ADGRL3: variants seen among roughly 807,000 people sequenced by gnomAD.
ADGRL3 encodes the protein calcium-independent alpha-latrotoxin receptor 3.
Under a neutral mutation model 153.5 loss-of-function variants are expected in ADGRL3, and 62 were observed. The observed-to-expected ratio is 0.40, with a 90% confidence interval of 0.33 to 0.50. The LOEUF is 0.50. ADGRL3 is among the 20% of genes least tolerant of loss of function. The probability of loss-of-function intolerance (pLI) is 0.47; values close to 1 mark genes in which losing one functional copy is unlikely to be tolerated. For missense variants in ADGRL3, 1,641 were observed against 1,859.4 expected, an observed-to-expected ratio of 0.88 and a Z score of 2.16; for synonymous variants, 710 against 672.5, an observed-to-expected ratio of 1.06 and a Z score of -0.86.
chr4:61,263,058 G>A (rs2092636637), intron 1 of ADGRL3, among the ~76,000 whole-genome samples: 1 of 151,960 alleles, frequency 6.6e-6, no homozygotes, highest in Admixed American at 6.6e-5. Flanking sequence ...TGTGATTTCT[G>A]AAAATTGTTG....
chr4:61,912,112 A>G (rs990703287), intron 12 of ADGRL3, among the ~76,000 whole-genome samples: 12 of 152,212 alleles, frequency 7.9e-5, no homozygotes, highest in Non-Finnish European at 1.3e-4. Context: ...TTCAAGAAAT[A>G]AAAGCAGTGA....
chr4:61,473,033 TGG>T (rs2097984267), intron 2 of ADGRL3, among the ~76,000 whole-genome samples: 1 of 152,126 alleles, frequency 6.6e-6, no homozygotes, highest in Non-Finnish European at 1.5e-5. Flanking sequence ...AAGAGGACAT[TGG>T]ATTTGACAAT....
intron 4 of ADGRL3, among the ~76,000 whole-genome samples, chr4:61,518,799 C>A (rs1165073950): frequency 6.6e-6 from 1 of 152,156 alleles, no homozygotes. Context: ...CCAGTGTGTT[C>A]TCAAAATTCA....
At chr4:61,223,358 G>A (rs561649110) in intron 1 of ADGRL3, among the ~76,000 whole-genome samples, 1 of 152,320 alleles carries the variant, frequency 6.6e-6, no homozygotes, top group East Asian at 1.9e-4. Context: ...TGGGCTCTCT[G>A]CAGTTACGGA....
chr4:61,792,558 C>T lies in ADGRL3; in HGVS notation c.1400-21251C>T, dbSNP rs1252027944. 4.6e-5 allele frequency among the ~76,000 whole-genome samples: 7 copies of T among 151,376 alleles called. No individual in the cohort carries two copies. The East Asian group carries it at 5.9e-4, about 13-fold the overall frequency. Reference sequence around the variant, plus strand: ...AGGCTAGAGTGCAGTGGCATGATCTCGGCTCACTGCAACCTCTGCCTCCCT... The same window carrying T: ...AGGCTAGAGTGCAGTGGCATGATCTTGGCTCACTGCAACCTCTGCCTCCCT... On this transcript the variant is annotated intron_variant, in intron 8 of 26. Transcript: ENST00000683033.
intron 6 of ADGRL3, among the ~76,000 whole-genome samples, chr4:61,724,412 A>C (rs1437405768): frequency 6.6e-6 from 1 of 152,208 alleles, no homozygotes; most frequent in Admixed American, 6.5e-5. Flanking sequence ...ATAAAAGGCC[A>C]TCCCAGTTTC....
chr4:61,521,638 C>T lies in ADGRL3; in HGVS notation c.259+4120C>T, dbSNP rs76649935. On this transcript the variant is annotated intron_variant, in intron 4 of 26. Coordinates refer to ENST00000683033, the MANE Select transcript of ADGRL3 (RefSeq NM_001387552.1). ...TGAGTGATAGTAGTGATGATGATGG[C>T]CAAATAACAGGACTTAGATATTCAT... Among the ~76,000 whole-genome samples, 390 of 152,044 alleles carry T rather than the reference C, an allele frequency of 2.6e-3. 2 individuals carry two copies. The highest frequency in any genetic ancestry group is 8.9e-3 in the African/African-American group (370 of 41,466).
intron 25 of ADGRL3, chr4:62,063,766 A>T: frequency 2.2e-6 from 1 of 463,398 alleles, no homozygotes; most frequent in Non-Finnish European, 3.8e-6. Context: ...TTCGCATTCC[A>T]CCCCTCTTGG....
At chr4:61,821,113 T>A (rs940958567) in intron 9 of ADGRL3, among the ~76,000 whole-genome samples, 12 of 149,472 alleles carry the variant, frequency 8.0e-5, no homozygotes, top group Non-Finnish European at 1.3e-4. Flanking sequence ...GCCTTAGCAG[T>A]CCATTATAGA....
intron 1 of ADGRL3, among the ~76,000 whole-genome samples, chr4:61,348,915 T>C (rs1230459306): frequency 6.6e-6 from 1 of 152,022 alleles, no homozygotes; most frequent in Admixed American, 6.6e-5. Context: ...TAATACAGTG[T>C]AAGTAAAGAA....
At chr4:62,049,412 C>A (rs1376791352) in intron 25 of ADGRL3, among the ~76,000 whole-genome samples, 4 of 152,144 alleles carry the variant, frequency 2.6e-5, no homozygotes, top group African/African-American at 9.7e-5. Context: ...GCATAGAGAT[C>A]TGACTAGTAA....
At chr4:61,864,110 A>G (rs2098377462) in intron 9 of ADGRL3, among the ~76,000 whole-genome samples, 2 of 152,224 alleles carry the variant, frequency 1.3e-5, no homozygotes, top group South Asian at 4.1e-4. Context: ...CAATGCTGCT[A>G]TAGGAACAAA....
chr4:61,432,645 TCTTTC>T (rs2097382753), intron 2 of ADGRL3, among the ~76,000 whole-genome samples: 1 of 80,732 alleles, frequency 1.2e-5, no homozygotes, highest in African/African-American at 5.2e-5. Context: ...TTTCTTTCTT[TCTTTC>T]TTTCTTTTTT....
rs150555181 is a variant in ADGRL3 at position 61,767,223 on chromosome 4, G to A, written c.1399+33669G>A. On this transcript the variant is annotated intron_variant, in intron 8 of 26. Coordinates refer to ENST00000683033, the MANE Select transcript of ADGRL3 (RefSeq NM_001387552.1). ...AGAGCAGCAATGAGATATAGCTGTAGTCCAGGAATAGTCAGGGAAGCAGAT... is the reference window on the plus strand; with the variant it reads ...AGAGCAGCAATGAGATATAGCTGTAATCCAGGAATAGTCAGGGAAGCAGAT... Among the ~76,000 whole-genome samples, 938 of 152,090 alleles carry A rather than the reference G, an allele frequency of 6.2e-3. 23 individuals carry two copies. The highest frequency in any genetic ancestry group is 0.037 in the Admixed American group (564 of 15,282).
intron 9 of ADGRL3, among the ~76,000 whole-genome samples, chr4:61,866,406 G>C (rs771815318): frequency 1.3e-5 from 2 of 152,174 alleles, no homozygotes; most frequent in African/African-American, 2.4e-5. Flanking sequence ...CTGCTCATTG[G>C]AGTGTGTTCT....
At chr4:61,650,463 A>C (rs1419002294) in intron 5 of ADGRL3, among the ~76,000 whole-genome samples, 1 of 152,144 alleles carries the variant, frequency 6.6e-6, no homozygotes, top group African/African-American at 2.4e-5. Context: ...ATCTTGGCTG[A>C]GGTTTCTCCA....
At chr4:61,253,941 A>T (rs1181108042) in intron 1 of ADGRL3, among the ~76,000 whole-genome samples, 2 of 152,146 alleles carry the variant, frequency 1.3e-5, no homozygotes, top group African/African-American at 2.4e-5. Flanking sequence ...GTGAACCACG[A>T]TTATTTTTTC....
Position 61,588,696 on chromosome 4 carries a change from A to G in ADGRL3, c.473+1256A>G, listed in dbSNP as rs570641215. ...CATCTTGTTGTTCTTGTGTGTCTCT[A>G]TTATCGTTACGTATTTGACATACCT... On this transcript the variant is annotated intron_variant, in intron 5 of 26. Transcript: ENST00000683033. Among the ~76,000 whole-genome samples, 7 of 152,094 alleles carry G rather than the reference A, an allele frequency of 4.6e-5. No homozygotes were observed. In the South Asian group the frequency reaches 6.2e-4, roughly 14 times the overall value.
At chr4:61,332,287 A>C (rs2095587628) in intron 1 of ADGRL3, among the ~76,000 whole-genome samples, 1 of 152,120 alleles carries the variant, frequency 6.6e-6, no homozygotes, top group African/African-American at 2.4e-5. Context: ...GATACTCAGA[A>C]GTATAAGAAA....
Sources: gnomAD v4.1 joint callset for allele counts (sites outside exome capture counted in the v4.1 genomes callset) on GRCh38, gnomAD v4.1.1 for gene constraint, MANE v1.5 for transcripts, NCBI Gene and HGNC (gene_info 2026-07-23, HGNC 2026-07-21) for gene names.